TIPIN: variants seen among roughly 807,000 people sequenced by gnomAD.
The protein encoded by TIPIN is TIMELESS-interacting protein.
In TIPIN, 29 loss-of-function variants were observed where a neutral mutation model predicts 35.6. The ratio of observed to expected loss-of-function variants is 0.82; its 90% CI spans 0.61 to 1.11. The LOEUF (loss-of-function observed/expected upper bound fraction) is 1.11, where lower values mean the gene tolerates loss of function less well. Among genes scored for constraint, TIPIN ranks in the 50% most tolerant of loss-of-function variants. The pLI is 0.00. For synonymous variants in TIPIN, 102 were observed against 121.5 expected, an observed-to-expected ratio of 0.84 and a Z score of 1.06; for missense variants, 296 against 345.4, an observed-to-expected ratio of 0.86 and a Z score of 1.13.
chr15:66,349,804 T>C (rs1184269569), intron 4 of TIPIN, among the ~76,000 whole-genome samples: 3 of 151,854 alleles, frequency 2.0e-5, no homozygotes, highest in Admixed American at 1.3e-4. Context: ...TCCCTGAGCC[T>C]GGGGGGCAGA....
chr15:66,371,117 AT>A (rs2140490199), intron 1 of TIPIN: 1 of 509,436 alleles, frequency 2.0e-6, no homozygotes, highest in South Asian at 8.5e-5. Context: ...AGGCTGAGGC[AT>A]GAGAATCACT....
At chr15:66,360,498 G>C (rs933455916), upstream of TIPIN, among the ~76,000 whole-genome samples, 4 of 151,784 alleles carry the variant, frequency 2.6e-5, no homozygotes, top group African/African-American at 9.7e-5. Flanking sequence ...TGTTTTATCT[G>C]AGTTACAACC....
Position 66,380,754 on chromosome 15 carries a change from G to A in TIPIN, c.-9+5853C>T, listed in dbSNP as rs2093315993. On this transcript the variant is annotated intron_variant, in intron 1 of 7. Transcript: ENST00000562124. ...TGCTTGAACCTGGGAGGCGTAGGTTGCAGTGAGCCCCAATTGCACCACTGC... is the reference window on the plus strand; with the variant it reads ...TGCTTGAACCTGGGAGGCGTAGGTTACAGTGAGCCCCAATTGCACCACTGC... Among the ~76,000 whole-genome samples, 7 of 152,066 alleles carry A rather than the reference G, an allele frequency of 4.6e-5. No individual in the cohort carries two copies. The South Asian group carries it at 1.5e-3, about 32-fold the overall frequency.
intron 1 of TIPIN, among the ~76,000 whole-genome samples, chr15:66,353,285 T>C (rs1374091790): frequency 6.6e-6 from 1 of 151,880 alleles, no homozygotes; most frequent in Non-Finnish European, 1.5e-5. Context: ...ACGCAGGATA[T>C]AGGTACTTCA....
intron 6 of TIPIN, among the ~76,000 whole-genome samples, chr15:66,345,704 C>G (rs1447900929): frequency 6.6e-6 from 1 of 151,392 alleles, no homozygotes; most frequent in Non-Finnish European, 1.5e-5. Context: ...GAGTGAGACT[C>G]CGTCTCAAAA....
intron 7 of TIPIN, among the ~76,000 whole-genome samples, chr15:66,337,813 G>A (rs1193746740): frequency 6.7e-6 from 1 of 150,254 alleles, no homozygotes; most frequent in South Asian, 2.1e-4. Flanking sequence ...CTATGGTGGC[G>A]AACCATGATC....
chr15:66,351,787 C>A (rs1432219989), intron 3 of TIPIN, among the ~76,000 whole-genome samples, 187 bp from the exon 4 acceptor site: 1 of 152,030 alleles, frequency 6.6e-6, no homozygotes, highest in African/African-American at 2.4e-5. Flanking sequence ...CTACAGGCAC[C>A]CACCACTGCA....
chr15:66,379,156 TG>T, intron 1 of TIPIN: 1 of 804,934 alleles, frequency 1.2e-6, no homozygotes, highest in South Asian at 1.9e-5. Flanking sequence ...CCCAAAATGC[TG>T]GAATCACAGG....
chr15:66,358,681 T>C (rs1195604921), upstream of TIPIN, among the ~76,000 whole-genome samples: 3 of 152,108 alleles, frequency 2.0e-5, no homozygotes, highest in South Asian at 2.1e-4. Flanking sequence ...CCTCCCAAGG[T>C]GTTGGGATTA....
At chr15:66,338,082 C>A (rs1271053542) in intron 7 of TIPIN, among the ~76,000 whole-genome samples, 1 of 151,944 alleles carries the variant, frequency 6.6e-6, no homozygotes, top group Non-Finnish European at 1.5e-5. Context: ...ATGGTGAAAC[C>A]CTGCCTCTAC....
chr15:66,380,446 G>A (rs2093314806), intron 1 of TIPIN, among the ~76,000 whole-genome samples: 1 of 152,108 alleles, frequency 6.6e-6, no homozygotes. Flanking sequence ...GTTGTGTCCA[G>A]TGCTATCTCA....
intron 7 of TIPIN, among the ~76,000 whole-genome samples, chr15:66,338,958 C>A (rs1333522973): frequency 1.3e-5 from 2 of 150,086 alleles, no homozygotes; most frequent in East Asian, 3.9e-4. Flanking sequence ...CAGTGAAATC[C>A]CTTCTCTACT....
chr15:66,369,807 C>T (rs2093271435), intron 1 of TIPIN, among the ~76,000 whole-genome samples: 1 of 152,148 alleles, frequency 6.6e-6, no homozygotes, highest in Non-Finnish European at 1.5e-5. Context: ...TATAATGGCT[C>T]TGCTGTATAG....
At chr15:66,365,703 T>C (rs2093251253) in intron 1 of TIPIN, among the ~76,000 whole-genome samples, 1 of 152,040 alleles carries the variant, frequency 6.6e-6, no homozygotes, top group South Asian at 2.1e-4. Context: ...CGTGGCACCA[T>C]GCCCGGCTAA....
In TIPIN at chr15:66,336,827, T is replaced by G; in HGVS notation, c.*131A>C. On this transcript the variant is annotated 3_prime_UTR_variant, in exon 8 of 8. Coordinates refer to ENST00000261881, the MANE Select transcript of TIPIN (RefSeq NM_017858.3). ...GCATAATTATAAATAAATACCAGAT[T>G]ATCAGATTTTAAACAATAATCTATA... The G allele has an allele frequency of 1.5e-6, 1 of 675,086 alleles. No individual in the cohort carries two copies. Among genetic ancestry groups the G allele is most frequent in the Non-Finnish European group, 2.5e-6 (1 of 407,540 alleles). 41.8% of individuals were successfully genotyped at this position (675,086 alleles called of 1,614,324 possible).
intron 7 of TIPIN, among the ~76,000 whole-genome samples, chr15:66,339,538 G>A (rs2093070608): frequency 6.6e-6 from 1 of 152,066 alleles, no homozygotes; most frequent in African/African-American, 2.4e-5. Flanking sequence ...AACAAATTTG[G>A]TTATATAGTT....
At chr15:66,373,334 A>T (rs1000098681) in intron 1 of TIPIN, among the ~76,000 whole-genome samples, 1 of 152,138 alleles carries the variant, frequency 6.6e-6, no homozygotes, top group Non-Finnish European at 1.5e-5. Flanking sequence ...TCTACTAAAA[A>T]TACAAAAAAT....
At chr15:66,351,370 C>G (rs1193294367) in intron 4 of TIPIN, among the ~76,000 whole-genome samples, 155 bp downstream of exon 4, 1 of 152,226 alleles carries the variant, frequency 6.6e-6, no homozygotes, top group Non-Finnish European at 1.5e-5. Flanking sequence ...ATTCTTCAAA[C>G]AGTTCCCTTT....
intron 1 of TIPIN, among the ~76,000 whole-genome samples, chr15:66,373,770 A>G (rs911007333): frequency 3.3e-5 from 5 of 152,124 alleles, no homozygotes; most frequent in African/African-American, 1.2e-4. Context: ...TAGTAGGATC[A>G]TGGCTCACTG....
Sources: gnomAD v4.1 joint callset for allele counts (sites outside exome capture counted in the v4.1 genomes callset) on GRCh38, gnomAD v4.1.1 for gene constraint, MANE v1.5 for transcripts, NCBI Gene and HGNC (gene_info 2026-07-23, HGNC 2026-07-21) for gene names.